Variants in STPG2 observed in about 807,000 individuals in gnomAD.
STPG2 encodes the protein sperm tail PG-rich repeat containing 2, also known as sperm-tail PG-rich repeat-containing protein 2.
In STPG2, 56 loss-of-function variants were observed where a neutral mutation model predicts 54.2. That is an observed-to-expected ratio of 1.03 (90% confidence interval 0.83 to 1.29). The LOEUF (loss-of-function observed/expected upper bound fraction) is 1.29, where lower values mean the gene tolerates loss of function less well. STPG2 is among the 50% of genes most tolerant of loss of function. STPG2 has a pLI of 0.00. For missense variants in STPG2, 596 were observed against 544.9 expected (o/e 1.09, Z -0.93); for synonymous variants, 200 against 181.8 (o/e 1.10, Z -0.81).
chr4:97,715,609 A>G (rs1724260305), intron 9 of STPG2, among the ~76,000 whole-genome samples: 1 of 152,216 alleles, frequency 6.6e-6, no homozygotes, highest in Non-Finnish European at 1.5e-5. Flanking sequence ...CTCAGATTTC[A>G]TAAGTTGTTT....
intron 10 of STPG2, among the ~76,000 whole-genome samples, chr4:97,676,260 T>G (rs1399379843): frequency 6.6e-6 from 1 of 151,636 alleles, no homozygotes. Context: ...ACCTACCAGC[T>G]ATTTCAGATT....
At chr4:97,755,818 C>G (rs1024078642) in intron 9 of STPG2, among the ~76,000 whole-genome samples, 2 of 152,148 alleles carry the variant, frequency 1.3e-5, no homozygotes, top group Non-Finnish European at 2.9e-5. Flanking sequence ...GTTCCTGTAT[C>G]TATTCCATGT....
chr4:97,666,227 A>T (rs1210580278), intron 10 of STPG2, among the ~76,000 whole-genome samples: 1 of 152,150 alleles, frequency 6.6e-6, no homozygotes, highest in East Asian at 1.9e-4. Flanking sequence ...CCTGGCTCCC[A>T]TTGGCTCCAT....
chr4:97,499,002 C>A lies in STPG2; in HGVS notation c.462+213697G>T, dbSNP rs566849534. On this transcript the variant is annotated intron_variant, in intron 4 of 4. Transcript: ENST00000522676. ...CCAGTACTTAAGGAATGATGAGTCACAAAAATCCTGTAAATTCTCATCAAT... is the reference window on the plus strand; with the variant it reads ...CCAGTACTTAAGGAATGATGAGTCAAAAAAATCCTGTAAATTCTCATCAAT... Among the ~76,000 whole-genome samples, 10 of 151,988 alleles carry A rather than the reference C, an allele frequency of 6.6e-5. No individual in the cohort carries two copies. In the South Asian group the frequency reaches 2.1e-3, roughly 32 times the overall value.
intron 8 of STPG2, among the ~76,000 whole-genome samples, chr4:97,907,819 A>T (rs1731502932): frequency 1.3e-5 from 2 of 152,198 alleles, no homozygotes; most frequent in South Asian, 4.1e-4. Context: ...AGCCATATGT[A>T]GAAAGCTGAA....
intron 10 of STPG2, among the ~76,000 whole-genome samples, chr4:97,697,119 T>A (rs1723601697): frequency 6.6e-6 from 1 of 152,144 alleles, no homozygotes; most frequent in Non-Finnish European, 1.5e-5. Context: ...AACAAAATGG[T>A]CAGATAGTAG....
chr4:97,589,002 C>T (rs572260603), intron 10 of STPG2, among the ~76,000 whole-genome samples: 1 of 152,180 alleles, frequency 6.6e-6, no homozygotes, highest in South Asian at 2.1e-4. Flanking sequence ...CAGTGTTCTA[C>T]AACTCTGAAT....
chr4:97,538,459 G>C (rs1185439232), intron 4 of STPG2, among the ~76,000 whole-genome samples: 2 of 152,160 alleles, frequency 1.3e-5, no homozygotes, highest in African/African-American at 4.8e-5. Context: ...AAGATCAAAT[G>C]AATGAAATGA....
At chr4:97,750,989 T>G (rs978803462) in intron 9 of STPG2, among the ~76,000 whole-genome samples, 6 of 151,782 alleles carry the variant, frequency 4.0e-5, no homozygotes, top group Non-Finnish European at 8.8e-5. Context: ...AAAACTGAAT[T>G]CTCACAGAAA....
At chr4:97,852,664 T>C (rs996587639) in intron 8 of STPG2, among the ~76,000 whole-genome samples, 1 of 152,106 alleles carries the variant, frequency 6.6e-6, no homozygotes, top group African/African-American at 2.4e-5. Flanking sequence ...AAAACAATTA[T>C]GTAGTTATAT....
At chr4:97,610,165 G>C (rs1408926117) in intron 10 of STPG2, among the ~76,000 whole-genome samples, 1 of 152,020 alleles carries the variant, frequency 6.6e-6, no homozygotes, top group Non-Finnish European at 1.5e-5. Flanking sequence ...CAACAAAGCA[G>C]TGAAAATTAG....
chr4:97,534,937 T>C (rs575414171), intron 4 of STPG2, among the ~76,000 whole-genome samples: 60 of 152,330 alleles, frequency 3.9e-4, no homozygotes, highest in African/African-American at 1.4e-3. Flanking sequence ...TCCATGATGT[T>C]GCATGTTTCA....
chr4:97,655,153 ATG>A (rs1213776984), intron 10 of STPG2, among the ~76,000 whole-genome samples: 1 of 152,088 alleles, frequency 6.6e-6, no homozygotes, highest in Non-Finnish European at 1.5e-5. Flanking sequence ...CTGATAAAAC[ATG>A]GTTAGTCTAA....
At chr4:97,576,688 C>T (rs999994512) in intron 10 of STPG2, among the ~76,000 whole-genome samples, 5 of 152,022 alleles carry the variant, frequency 3.3e-5, no homozygotes, top group Admixed American at 3.3e-4. Context: ...CTGGCTTTGA[C>T]AAAGAATTTA....
rs573837972 is a variant in STPG2, at chr4:97,684,145, C to T, written c.1320+28554G>A. 2.0e-5 allele frequency among the ~76,000 whole-genome samples: 3 copies of T among 151,796 alleles called. No homozygotes were observed. The South Asian group carries it at 6.2e-4, about 31-fold the overall frequency. On this transcript the variant is annotated intron_variant, in intron 10 of 10. Transcript: ENST00000295268. ...AATATTTCAAGTTCATGAGTAAAAA[C>T]GCTTTATTAAGATGCCAATTCTTCC...
At chr4:97,884,597 T>C (rs1221926470) in intron 8 of STPG2, among the ~76,000 whole-genome samples, 1 of 152,160 alleles carries the variant, frequency 6.6e-6, no homozygotes, top group East Asian at 1.9e-4. Context: ...TTATTTTGTT[T>C]ATACCATCTA....
intron 5 of STPG2, among the ~76,000 whole-genome samples, chr4:98,095,070 A>C (rs783943): frequency 0.86 from 130,758 of 152,092 alleles, 56,347 homozygotes; most frequent in Middle Eastern, 0.97. Flanking sequence ...TTATTAGTTT[A>C]TTTCTGCATG....
At chr4:97,451,386 G>A (rs888084267) in intron 4 of STPG2, among the ~76,000 whole-genome samples, 2 of 152,010 alleles carry the variant, frequency 1.3e-5, no homozygotes, top group Non-Finnish European at 2.9e-5. Flanking sequence ...GAAAGGAAGG[G>A]AAAAGGAGGG....
At chr4:97,625,269 A>T (rs989489625) in intron 10 of STPG2, among the ~76,000 whole-genome samples, 1 of 152,188 alleles carries the variant, frequency 6.6e-6, no homozygotes, top group Non-Finnish European at 1.5e-5. Flanking sequence ...GGCTGCAATA[A>T]ACAGGGCTTT....
Sources: allele counts gnomAD v4.1 joint callset (sites outside exome capture counted in the v4.1 genomes callset), GRCh38; gene constraint gnomAD v4.1.1; transcripts MANE v1.5; gene names NCBI Gene and HGNC (gene_info 2026-07-23, HGNC 2026-07-21).